The following AUTS2 variants were observed in gnomAD, a reference collection of about 807,000 sequenced individuals.
AUTS2 encodes the protein autism susceptibility gene 2 protein.
A neutral mutation model predicts 112.4 loss-of-function variants in AUTS2; 17 were observed. The ratio of observed to expected loss-of-function variants is 0.15; its 90% confidence interval spans 0.10 to 0.23. The LOEUF is 0.23. Among genes scored for constraint, AUTS2 ranks in the 10% least tolerant of loss-of-function variants. The pLI is 1.00. For synonymous variants in AUTS2, 751 were observed against 702.7 expected, an observed-to-expected ratio of 1.07 and a Z score of -1.09; for missense variants, 1,510 against 1,701.6, an observed-to-expected ratio of 0.89 and a Z score of 1.98.
intron 16 of AUTS2, chr7:70,785,488 G>A: frequency 2.1e-6 from 1 of 467,932 alleles, no homozygotes; most frequent in Non-Finnish European, 4.3e-6. Context: ...TGCTTTGTGT[G>A]GCCTTTGTGT....
intron 4 of AUTS2, among the ~76,000 whole-genome samples, chr7:70,225,359 G>A (rs1394565938): frequency 6.6e-6 from 1 of 152,122 alleles, no homozygotes; most frequent in East Asian, 1.9e-4. Context: ...GAGCTATAAG[G>A]TTCCTGAAAA....
chr7:70,555,490 T>C (rs868342895), intron 5 of AUTS2, among the ~76,000 whole-genome samples: 10 of 152,112 alleles, frequency 6.6e-5, no homozygotes, highest in African/African-American at 1.2e-4. Context: ...TGGGAGCCTT[T>C]TTCCAGAGTT....
chr7:69,941,191 C>T lies in AUTS2; in HGVS notation c.522+41693C>T, dbSNP rs1796613367. On this transcript the variant is annotated intron_variant, in intron 2 of 18. Coordinates refer to ENST00000342771, the MANE Select transcript of AUTS2 (RefSeq NM_015570.4). ...GTACCATTGATAAGCCCCAGCACTA[C>T]AGTTCAGCTACCAACACTGAGTTTC... is the stretch of plus-strand genomic sequence containing the variant. Among the ~76,000 whole-genome samples, 3 of 152,314 alleles carry T rather than the reference C, an allele frequency of 2.0e-5. No individual in the cohort carries two copies. The South Asian group carries it at 6.2e-4, about 32-fold the overall frequency.
At chr7:69,948,143 C>T (rs887108662) in intron 2 of AUTS2, among the ~76,000 whole-genome samples, 5 of 152,222 alleles carry the variant, frequency 3.3e-5, no homozygotes, top group East Asian at 1.9e-4. Flanking sequence ...CTGTGCCCAG[C>T]GGTAGCCCAG....
intron 4 of AUTS2, among the ~76,000 whole-genome samples, chr7:70,148,397 C>T (rs967089783): frequency 2.0e-5 from 3 of 152,090 alleles, no homozygotes; most frequent in African/African-American, 7.2e-5. Flanking sequence ...ATACTCAAAA[C>T]AATCATCCTT....
chr7:69,771,891 TCTC>T (rs1446507433), intron 1 of AUTS2, among the ~76,000 whole-genome samples: 7 of 151,854 alleles, frequency 4.6e-5, no homozygotes, highest in African/African-American at 1.5e-4. Context: ...TTCAAGCAAT[TCTC>T]CTGTCTCAGC....
At chr7:69,742,681 A>G (rs967823471) in intron 1 of AUTS2, among the ~76,000 whole-genome samples, 25 of 152,318 alleles carry the variant, frequency 1.6e-4, no homozygotes, top group Admixed American at 7.8e-4. Flanking sequence ...CCTTTGGTAG[A>G]TTATCTTACC....
intron 4 of AUTS2, among the ~76,000 whole-genome samples, chr7:70,353,845 T>G (rs1317069754): frequency 6.6e-6 from 1 of 152,198 alleles, no homozygotes; most frequent in African/African-American, 2.4e-5. Flanking sequence ...CTAATTAATG[T>G]CCCATTGTAT....
chr7:70,368,354 A>G (rs974050508), intron 4 of AUTS2, among the ~76,000 whole-genome samples: 2 of 152,210 alleles, frequency 1.3e-5, no homozygotes, highest in African/African-American at 2.4e-5. Flanking sequence ...GATGATGCCT[A>G]TGATGTCAGA....
intron 5 of AUTS2, among the ~76,000 whole-genome samples, chr7:70,624,346 T>A (rs1244474022): frequency 6.6e-6 from 1 of 152,210 alleles, no homozygotes; most frequent in Non-Finnish European, 1.5e-5. Flanking sequence ...CACTCATTTA[T>A]ATTGACTTGA....
chr7:70,052,846 C>G (rs1168846160), intron 2 of AUTS2, among the ~76,000 whole-genome samples: 1 of 152,164 alleles, frequency 6.6e-6, no homozygotes, highest in African/African-American at 2.4e-5. Flanking sequence ...TACAGACATT[C>G]TTAGAGTCAC....
chr7:69,922,682 T>TA (rs1367125377), intron 2 of AUTS2, among the ~76,000 whole-genome samples: 2 of 152,234 alleles, frequency 1.3e-5, no homozygotes, highest in Non-Finnish European at 2.9e-5. Flanking sequence ...CTTCTCTCCT[T>TA]ACACATTTCG....
intron 1 of AUTS2, among the ~76,000 whole-genome samples, chr7:69,768,856 C>T (rs764747155): frequency 2.6e-5 from 4 of 152,126 alleles, no homozygotes; most frequent in Non-Finnish European, 5.9e-5. Flanking sequence ...CCAAGAAGGA[C>T]AGGAAGTGTG....
At chr7:70,445,129 C>A (rs1796270942) in intron 5 of AUTS2, among the ~76,000 whole-genome samples, 1 of 152,152 alleles carries the variant, frequency 6.6e-6, no homozygotes, top group Admixed American at 6.5e-5. Context: ...CTCACATACA[C>A]CATCGTTGAC....
rs752771849 is a variant in AUTS2 at position 70,175,531 on chromosome 7, AT to A, written c.660+40961del. The stretch of plus-strand genomic sequence containing the variant: ...TTCCCATGCTACAGAGAAATCTTTC[AT>A]GAAAGGAAGAGTCAGTTGATGGAGC... On this transcript the variant is annotated intron_variant, in intron 4 of 18. Transcript: ENST00000342771. Among the ~76,000 whole-genome samples the A allele has an allele frequency of 2.0e-5, 3 of 152,342 alleles. No homozygotes were observed. The East Asian group carries it at 5.8e-4, about 29-fold the overall frequency.
intron 4 of AUTS2, chr7:70,194,531 G>A (rs1445992305): frequency 6.6e-6 from 1 of 152,200 alleles, no homozygotes; most frequent in Non-Finnish European, 1.5e-5. Flanking sequence ...GCTTGTCCAG[G>A]AGTATTGGCC....
At chr7:70,493,053 A>G (rs949889087) in intron 5 of AUTS2, among the ~76,000 whole-genome samples, 2 of 152,028 alleles carry the variant, frequency 1.3e-5, no homozygotes, top group African/African-American at 4.8e-5. Flanking sequence ...ACTGATAATT[A>G]TTTTTTTAAA....
chr7:70,252,447 AT>A (rs1262791099), intron 4 of AUTS2, among the ~76,000 whole-genome samples: 50 of 152,030 alleles, frequency 3.3e-4, no homozygotes, highest in Non-Finnish European at 6.2e-4. Flanking sequence ...TGACTGGGTT[AT>A]TTGTTTTATT....
intron 1 of AUTS2, among the ~76,000 whole-genome samples, chr7:69,685,486 G>A (rs578180542): frequency 1.3e-5 from 2 of 152,222 alleles, no homozygotes; most frequent in African/African-American, 4.8e-5. Context: ...CCACCATCTA[G>A]TCTTAGACAA....
Sources: allele counts gnomAD v4.1 joint callset (sites outside exome capture counted in the v4.1 genomes callset), GRCh38; gene constraint gnomAD v4.1.1; transcripts MANE v1.5; gene names NCBI Gene and HGNC (gene_info 2026-07-23, HGNC 2026-07-21).